NAGPA: variants seen among roughly 807,000 people sequenced by gnomAD.
NAGPA encodes alpha-N-acetylglucosaminyl phosphodiesterase.
A neutral mutation model predicts 48.5 loss-of-function variants in NAGPA; 56 were observed. The ratio of observed to expected loss-of-function variants is 1.15; its 90% confidence interval spans 0.93 to 1.44. NAGPA has a LOEUF of 1.44. Ranked by LOEUF, NAGPA falls within the 40% of genes most tolerant of loss-of-function variation. The probability of loss-of-function intolerance (pLI) is 0.00; values close to 1 mark genes in which losing one functional copy is unlikely to be tolerated. For missense variants in NAGPA, 888 were observed against 735.0 expected, an observed-to-expected ratio of 1.21 and a Z score of -2.41; for synonymous variants, 399 against 315.5, an observed-to-expected ratio of 1.26 and a Z score of -2.81.
intron 4 of NAGPA, chr16:5,030,135 G>T (rs897987107): frequency 5.2e-6 from 3 of 580,654 alleles, no homozygotes; most frequent in Non-Finnish European, 9.2e-6. Context: ...CTCACTTTGT[G>T]ACCATTTCCT....
intron 5 of NAGPA, 159 bp downstream of exon 5, chr16:5,028,721 C>T: frequency 8.9e-7 from 1 of 1,129,366 alleles, no homozygotes; most frequent in East Asian, 2.4e-5. Flanking sequence ...GCTCCTAGGC[C>T]TGGGTAGTAC....
At chr16:5,032,508 G>A (rs997004174) in intron 2 of NAGPA, among the ~76,000 whole-genome samples, 24 of 137,110 alleles carry the variant, frequency 1.8e-4, no homozygotes, top group African/African-American at 5.6e-4. Context: ...ACCCCATCCC[G>A]TCTCTACTAA....
chr16:5,029,401 T>G, intron 4 of NAGPA: 1 of 307,438 alleles, frequency 3.3e-6, no homozygotes. Flanking sequence ...CCTGGGCAGC[T>G]TGAAGGAGCT....
rs1216735213 is a variant in NAGPA, at chr16:5,033,550, C to T, written c.265G>A (p.Ala89Thr). The T allele has an allele frequency of 6.6e-7, 1 of 1,505,630 alleles. No individual in the cohort carries two copies. The highest frequency in any genetic ancestry group is 8.8e-7 in the Non-Finnish European group (1 of 1,136,690). 93.3% of individuals were successfully genotyped at this position (1,505,630 alleles called of 1,614,324 possible). ...GCCCGCGTCAGGTGGCCGGCCACCGCGCGGTCCCTGAAGTGCGACACGAAG... is the reference window on the plus strand; with the variant it reads ...GCCCGCGTCAGGTGGCCGGCCACCGTGCGGTCCCTGAAGTGCGACACGAAG... ...RTFVSHFRDRAVAGHLTRAVE... is the reference protein window; with the variant it reads ...RTFVSHFRDRTVAGHLTRAVE... The change falls in exon 2 of 10, where the codon GCG (alanine) becomes ACG (threonine). Residue 89 changes from alanine (A) to threonine (T), a missense_variant. Transcript: ENST00000312251. This position sits in a 1 kb window ranked among gnomAD's most constrained non-coding sequence, Gnocchi z 4.2.
chr16:5,028,939 C>G lies in NAGPA; in HGVS notation c.861G>C (p.Gly287=). ...QDVVNAINLD[G]GGSATFVLNG... is the part of the protein sequence containing the mutation. ...TGAGCACAAAGGTGGCAGAGCCACC[C>G]CCATCCAGGTTGATGGCGTTGACCA... The change falls in exon 5 of 10, where the codon GGG becomes GGC. Residue 287 remains glycine, a synonymous_variant. Coordinates refer to ENST00000312251, the MANE Select transcript of NAGPA (RefSeq NM_016256.4). 6.2e-7 allele frequency: 1 copy of G among 1,614,080 alleles called. No homozygotes were observed. Among genetic ancestry groups the G allele is most frequent in the Non-Finnish European group, 8.5e-7 (1 of 1,180,038 alleles).
chr16:5,030,100 G>A, intron 4 of NAGPA: 2 of 542,198 alleles, frequency 3.7e-6, no homozygotes, highest in South Asian at 4.1e-5. Context: ...GCTAAGCTGG[G>A]ATTGGAACCA....
At position 5,033,320 on chromosome 16, in the gene NAGPA, C is replaced by T. The variant is rs1213600893; in HGVS notation, c.495G>A (p.Leu165=). The T allele has an allele frequency of 1.3e-6, 2 of 1,597,242 alleles. No individual in the cohort carries two copies. Among genetic ancestry groups the T allele is most frequent in the Non-Finnish European group, 1.7e-6 (2 of 1,179,314 alleles). The change falls in exon 2 of 10, where the codon CTG becomes CTA. Residue 165 remains leucine (L), a synonymous_variant. Transcript: ENST00000312251. The surrounding 1 kb of genome is among the most constrained non-coding windows in gnomAD (Gnocchi z 4.2). ...GGCGGATCCCGAACTGCGCGTTCTG[C>T]AGCCCCCCGGAGCTGCTCACCCGCC... ...DERRVSSSGG[L]QNAQFGIRRD...
chr16:5,027,187 G>A lies in NAGPA; in HGVS notation c.1288C>T (p.Leu430Phe), dbSNP rs140556827. The A allele has an allele frequency of 1.8e-4, 283 of 1,614,268 alleles. 1 individual carries two copies. In the African/African-American group the frequency reaches 3.4e-3, roughly 19 times the overall value. ...CTCAGGGTGGCTTCAGGTGGCTGGAGACACTGCTTTACTGTAACATACCAG... is the reference window on the plus strand; with the variant it reads ...CTCAGGGTGGCTTCAGGTGGCTGGAAACACTGCTTTACTGTAACATACCAG... ...NCSVSRVKQC[L>F]QPPEATLRAG... The change falls in exon 9 of 10, where the codon CTC (leucine) becomes TTC (phenylalanine). Residue 430 changes from leucine (L) to phenylalanine (F), a missense_variant. Physicochemically the swap from Leu to Phe is conservative, Grantham distance 22. Transcript: ENST00000312251.
At chr16:5,031,598 C>G in intron 3 of NAGPA, 147 bp downstream of exon 3, 1 of 1,065,028 alleles carries the variant, frequency 9.4e-7, no homozygotes, top group Non-Finnish European at 1.5e-6. Context: ...ATAAGCCTAT[C>G]TTCCTCCCCA....
Position 5,025,294 on chromosome 16 carries a change from G to A in NAGPA, c.*184C>T, listed in dbSNP as rs189777529. 175 of 698,338 alleles carry A rather than the reference G, an allele frequency of 2.5e-4. 1 individual carries two copies. The Admixed American group carries it at 4.1e-3, about 17-fold the overall frequency. The allele number at this position is 698,338 out of a possible 1,614,324, so 43.3% of individuals were successfully genotyped here. ...CAGCGAGCATGGTATTGCTAGGGTT[G>A]CAGGTGCCCTGGCAGGTGGCCAGGT... On this transcript the variant is annotated 3_prime_UTR_variant, in exon 10 of 10. Coordinates refer to ENST00000312251, the MANE Select transcript of NAGPA (RefSeq NM_016256.4).
chr16:5,028,195 G>A lies in NAGPA; in HGVS notation c.921-10C>T. The A allele has an allele frequency of 6.4e-7, 1 of 1,554,210 alleles. No homozygotes were observed. Among genetic ancestry groups the A allele is most frequent in the Non-Finnish European group, 8.7e-7 (1 of 1,148,372 alleles). On this transcript the variant is annotated splice_polypyrimidine_tract_variant and intron_variant, in intron 5 of 9. Transcript: ENST00000312251. Reference sequence around the variant, plus strand: ...CCACATGTTGTCCTGGCTGTAGAGGGATGTGATGTGTGAGGAGAGGACACC... The same window carrying A: ...CCACATGTTGTCCTGGCTGTAGAGGAATGTGATGTGTGAGGAGAGGACACC...
At chr16:5,032,429 G>C (rs917920530) in intron 2 of NAGPA, among the ~76,000 whole-genome samples, 4 of 152,120 alleles carry the variant, frequency 2.6e-5, no homozygotes, top group Admixed American at 6.5e-5. Context: ...GCTGAGGTGG[G>C]TGGATCACTT....
rs1208423752 is a variant in NAGPA at position 5,033,254 on chromosome 16, G to C, written c.542+19C>G. 1.3e-6 allele frequency: 2 copies of C among 1,578,522 alleles called. No homozygotes were observed. Reference sequence around the variant, plus strand: ...CAGGCCCTCTGCCCTCGACAGCACGGGGCTCCCTGCCTCCTCACCCGGTGA... The same window carrying C: ...CAGGCCCTCTGCCCTCGACAGCACGCGGCTCCCTGCCTCCTCACCCGGTGA... On this transcript the variant is annotated intron_variant, in intron 2 of 9. Coordinates refer to ENST00000312251, the MANE Select transcript of NAGPA (RefSeq NM_016256.4). This position sits in a 1 kb window ranked among gnomAD's most constrained non-coding sequence, Gnocchi z 4.2.
At chr16:5,032,881 G>C in intron 2 of NAGPA, 1 of 274,612 alleles carries the variant, frequency 3.6e-6, no homozygotes, top group Non-Finnish European at 6.9e-6. Context: ...TCACCTCGGA[G>C]AGGCGTGTTC....
chr16:5,027,946 T>C (rs1047302873), intron 6 of NAGPA, 34 bp downstream of exon 6: 1 of 1,613,570 alleles, frequency 6.2e-7, no homozygotes, highest in African/African-American at 1.3e-5. Context: ...AAGGCAGGGC[T>C]GGGCAGAGCC....
chr16:5,032,881 G>A (rs1411764749), intron 2 of NAGPA: 4 of 274,494 alleles, frequency 1.5e-5, no homozygotes, highest in African/African-American at 9.0e-5. Flanking sequence ...TCACCTCGGA[G>A]AGGCGTGTTC....
Position 5,028,146 on chromosome 16 carries a change from G to A in NAGPA, c.960C>T (p.Thr320=), listed in dbSNP as rs746656740. The change falls in exon 6 of 10, where the codon ACC becomes ACT. Residue 320 remains threonine (T), a synonymous_variant. Coordinates refer to ENST00000312251, the MANE Select transcript of NAGPA (RefSeq NM_016256.4). ...AGCGGGGTTCGTGCACACACACCACGGTGGACACTTGGCGGGGACAGCGCC... is the reference window on the plus strand; with the variant it reads ...AGCGGGGTTCGTGCACACACACCACAGTGGACACTTGGCGGGGACAGCGCC... ...NMWRCPRQVS[T]VVCVHEPRCQ... 1.1e-5 allele frequency: 17 copies of A among 1,590,092 alleles called. No individual in the cohort carries two copies. Among genetic ancestry groups the A allele is most frequent in the African/African-American group, 4.0e-5 (3 of 74,422 alleles).
intron 2 of NAGPA, among the ~76,000 whole-genome samples, chr16:5,032,230 T>G (rs1001170): frequency 0.36 from 54,807 of 152,088 alleles, 10,013 homozygotes; most frequent in Middle Eastern, 0.41. Context: ...GTTACGGCCC[T>G]TCATTGGCTT....
At position 5,033,554 on chromosome 16, in the gene NAGPA, G is replaced by A. The variant is rs1037026565; in HGVS notation, c.261C>T (p.Asp87=). Residue 87 remains aspartate, a synonymous_variant, in exon 2 of 10, where the codon GAC becomes GAT. Coordinates refer to ENST00000312251, the MANE Select transcript of NAGPA (RefSeq NM_016256.4). This position sits in a 1 kb window ranked among gnomAD's most constrained non-coding sequence, Gnocchi z 4.2. ...AVRTFVSHFR[D]RAVAGHLTRA... ...GCGTCAGGTGGCCGGCCACCGCGCG[G>A]TCCCTGAAGTGCGACACGAAGGTGC... is the stretch of plus-strand genomic sequence containing the variant. 2.0e-6 allele frequency: 3 copies of A among 1,506,876 alleles called. No homozygotes were observed. Among genetic ancestry groups the A allele is most frequent in the Admixed American group, 2.2e-5 (1 of 45,256 alleles). 93.3% of individuals were successfully genotyped at this position (1,506,876 alleles called of 1,614,324 possible). A position where few individuals can be genotyped will look rare whatever the true frequency, so the allele number is the denominator to read the frequency against.
Sources: gnomAD v4.1 joint callset for allele counts (sites outside exome capture counted in the v4.1 genomes callset) on GRCh38, gnomAD v4.1.1 for gene constraint, Gnocchi (gnomAD v3.1) non-coding constraint, MANE v1.5 for transcripts, NCBI Gene and HGNC (gene_info 2026-07-23, HGNC 2026-07-21) for gene names.